The following TAX1BP1 variants were observed in gnomAD, a reference collection of about 807,000 sequenced individuals.
TAX1BP1 encodes Tax1 binding protein 1.
Under a neutral mutation model 97.7 loss-of-function variants are expected in TAX1BP1, and 62 were observed. The ratio of observed to expected loss-of-function variants is 0.63; its 90% CI spans 0.52 to 0.78. The LOEUF (loss-of-function observed/expected upper bound fraction) is 0.78. Among genes scored for constraint, TAX1BP1 ranks in the 30% least tolerant of loss-of-function variants. The pLI is 0.00. For synonymous variants in TAX1BP1, 340 were observed against 304.2 expected (o/e 1.12, Z -1.23); for missense variants, 867 against 916.1 (o/e 0.95, Z 0.69).
chr7:27,787,596 C>G lies in TAX1BP1; in HGVS notation c.1031C>G (p.Ser344Ter). 1.2e-6 allele frequency: 2 copies of G among 1,604,522 alleles called. No individual in the cohort carries two copies. The highest frequency in any genetic ancestry group is 1.7e-6 in the Non-Finnish European group (2 of 1,176,430). Reference sequence around the variant, plus strand: ...CAAAGAACTTTCCTGCTTACAACCTCAAGTAAAGTAAGTACTTTTGCTATA... The same window carrying G: ...CAAAGAACTTTCCTGCTTACAACCTGAAGTAAAGTAAGTACTTTTGCTATA... ...NLQRTFLLTT[S>*]SKEDTCFLKE... Residue 344 changes from serine to a stop codon, truncating the protein, a stop_gained, in exon 8 of 17, where the codon TCA becomes TGA. Transcript: ENST00000396319. LOFTEE classifies it high-confidence loss of function.
intron 12 of TAX1BP1, among the ~76,000 whole-genome samples, chr7:27,798,517 A>G (rs1465719353): frequency 1.3e-5 from 2 of 152,012 alleles, no homozygotes; most frequent in African/African-American, 2.4e-5. Context: ...TACAAAAATT[A>G]GCTGGGCATG....
intron 13 of TAX1BP1, among the ~76,000 whole-genome samples, chr7:27,813,831 AG>A (rs1790653804): frequency 6.6e-6 from 1 of 152,180 alleles, no homozygotes; most frequent in East Asian, 1.9e-4. Context: ...ACATCCCATT[AG>A]TAACTACTTA....
intron 12 of TAX1BP1, 145 bp downstream of exon 12, chr7:27,796,364 A>T (rs116930586): frequency 6.7e-5 from 43 of 641,516 alleles, no homozygotes; most frequent in Non-Finnish European, 9.0e-5. Flanking sequence ...TTTTGGGATG[A>T]TGAGGTGGGC....
intron 5 of TAX1BP1, among the ~76,000 whole-genome samples, chr7:27,771,014 A>G (rs1345599009): frequency 6.6e-6 from 1 of 150,376 alleles, no homozygotes; most frequent in Non-Finnish European, 1.5e-5. Context: ...TTTCATTTGA[A>G]CCTTTGAAGC....
chr7:27,787,899 A>G (rs899455906), intron 8 of TAX1BP1, among the ~76,000 whole-genome samples: 2 of 152,088 alleles, frequency 1.3e-5, no homozygotes, highest in East Asian at 1.9e-4. Flanking sequence ...ATTCTTCTTC[A>G]TAGCCATGAC....
At chr7:27,786,171 G>C (rs1456448051) in intron 7 of TAX1BP1, among the ~76,000 whole-genome samples, 2 of 146,402 alleles carry the variant, frequency 1.4e-5, no homozygotes, top group Admixed American at 1.4e-4. Flanking sequence ...TCGCTCTGTC[G>C]CCCAGGCTGA....
chr7:27,765,718 C>A, intron 3 of TAX1BP1, 116 bp from the exon 4 acceptor site: 1 of 891,620 alleles, frequency 1.1e-6, no homozygotes, highest in Non-Finnish European at 1.7e-6. Flanking sequence ...AGGACATATC[C>A]CAGATTCTTG....
At chr7:27,819,370 A>G (rs944608011) in intron 15 of TAX1BP1, among the ~76,000 whole-genome samples, 1 of 152,194 alleles carries the variant, frequency 6.6e-6, no homozygotes, top group African/African-American at 2.4e-5. Flanking sequence ...TGGCCACTGT[A>G]CAACTCCTCA....
At chr7:27,816,265 T>C in intron 13 of TAX1BP1, 84 bp from the exon 14 acceptor site, 2 of 1,103,726 alleles carry the variant, frequency 1.8e-6, no homozygotes, top group South Asian at 3.3e-5. Flanking sequence ...TTTATTGTTA[T>C]ATTTTGACTA....
intron 8 of TAX1BP1, among the ~76,000 whole-genome samples, chr7:27,791,645 G>T (rs1248277862): frequency 1.3e-5 from 2 of 152,120 alleles, no homozygotes; most frequent in Non-Finnish European, 2.9e-5. Context: ...GATTTTTACT[G>T]GTAGTCATAC....
intron 8 of TAX1BP1, 136 bp from the exon 9 acceptor site, chr7:27,791,870 A>C: frequency 1.4e-6 from 1 of 731,040 alleles, no homozygotes; most frequent in South Asian, 1.9e-5. Flanking sequence ...TTTTGTAGGC[A>C]TATACTCTGT....
At chr7:27,799,286 A>G (rs988943786) in intron 12 of TAX1BP1, among the ~76,000 whole-genome samples, 1 of 152,208 alleles carries the variant, frequency 6.6e-6, no homozygotes. Flanking sequence ...AAGCGTTCAC[A>G]TTGAACAAAA....
At chr7:27,800,325 A>G (rs549141595) in intron 13 of TAX1BP1, among the ~76,000 whole-genome samples, 4 of 152,334 alleles carry the variant, frequency 2.6e-5, no homozygotes, top group South Asian at 4.1e-4. Context: ...TCAGATGGCT[A>G]TTAAAATTAC....
chr7:27,808,253 A>C (rs1790418840), intron 13 of TAX1BP1, among the ~76,000 whole-genome samples: 1 of 152,182 alleles, frequency 6.6e-6, no homozygotes, highest in South Asian at 2.1e-4. Context: ...CACACAAAAA[A>C]CTATGAGTAA....
intron 5 of TAX1BP1, among the ~76,000 whole-genome samples, chr7:27,777,259 A>G (rs1789069299): frequency 6.6e-6 from 1 of 152,106 alleles, no homozygotes. Context: ...TTATATTCCT[A>G]AAAATATTCT....
At chr7:27,758,796 G>C (rs1788319952) in intron 3 of TAX1BP1, among the ~76,000 whole-genome samples, 1 of 152,076 alleles carries the variant, frequency 6.6e-6, no homozygotes, top group Non-Finnish European at 1.5e-5. Context: ...AGGGCATTCA[G>C]GTTCCCTCAA....
chr7:27,797,319 T>C (rs958184558), intron 12 of TAX1BP1, among the ~76,000 whole-genome samples: 2 of 152,100 alleles, frequency 1.3e-5, no homozygotes, highest in South Asian at 4.1e-4. Context: ...TTTAAACAGC[T>C]TCATTCAGAC....
chr7:27,778,999 A>G (rs1313326934), intron 5 of TAX1BP1, among the ~76,000 whole-genome samples: 1 of 152,032 alleles, frequency 6.6e-6, no homozygotes, highest in Non-Finnish European at 1.5e-5. Context: ...CACTCCTTAC[A>G]TACCCCTGTC....
intron 8 of TAX1BP1, among the ~76,000 whole-genome samples, chr7:27,788,876 A>G (rs1306842889): frequency 3.9e-5 from 6 of 152,016 alleles, no homozygotes; most frequent in African/African-American, 9.7e-5. Flanking sequence ...TCCTATTGCT[A>G]CTATGGGGCT....
Sources: gnomAD v4.1 joint callset for allele counts (sites outside exome capture counted in the v4.1 genomes callset) on GRCh38, gnomAD v4.1.1 for gene constraint, MANE v1.5 for transcripts, NCBI Gene and HGNC (gene_info 2026-07-23, HGNC 2026-07-21) for gene names.